The following KCNQ3 variants were observed in gnomAD, a reference collection of about 807,000 sequenced individuals.
KCNQ3 encodes potassium voltage-gated channel subfamily Q member 3.
KCNQ3 carries 30 observed loss-of-function variants against 92.5 expected under a neutral mutation model. The ratio of observed to expected loss-of-function variants is 0.32; its 90% CI spans 0.24 to 0.44. KCNQ3 has a LOEUF of 0.44. KCNQ3 is among the 20% of genes least tolerant of loss of function. The probability of loss-of-function intolerance (pLI) is 1.00; values close to 1 mark genes in which losing one functional copy is unlikely to be tolerated. For missense variants in KCNQ3, 913 were observed against 1,140.3 expected (o/e 0.80, Z 2.87); for synonymous variants, 450 against 468.8 (o/e 0.96, Z 0.52).
chr8:132,306,849 CA>C (rs1255062906), intron 1 of KCNQ3, among the ~76,000 whole-genome samples: 2 of 152,260 alleles, frequency 1.3e-5, no homozygotes, highest in African/African-American at 4.8e-5. Context: ...AGACTCTTGA[CA>C]GCATTTTTTT....
intron 1 of KCNQ3, among the ~76,000 whole-genome samples, chr8:132,465,616 C>T (rs754338316): frequency 1.8e-4 from 27 of 152,192 alleles, no homozygotes; most frequent in Admixed American, 3.3e-4. Context: ...TGGTGGCAGG[C>T]GCCTGTGGTC....
chr8:132,466,516 T>C (rs1266386021), intron 1 of KCNQ3, among the ~76,000 whole-genome samples: 1 of 152,172 alleles, frequency 6.6e-6, no homozygotes, highest in African/African-American at 2.4e-5. Flanking sequence ...CAAGGACCAT[T>C]CCTGGCTGTT....
At chr8:132,450,481 TC>T (rs1361983571) in intron 1 of KCNQ3, among the ~76,000 whole-genome samples, 1 of 152,138 alleles carries the variant, frequency 6.6e-6, no homozygotes, top group African/African-American at 2.4e-5. Context: ...ACCCAGGAAG[TC>T]CAGCTGGCTT....
chr8:132,409,391 C>T (rs1466431332), intron 1 of KCNQ3, among the ~76,000 whole-genome samples: 2 of 152,102 alleles, frequency 1.3e-5, no homozygotes, highest in Admixed American at 6.5e-5. Flanking sequence ...CCAAACCTTG[C>T]ACAACCCACT....
At chr8:132,384,600 T>C (rs1483663960) in intron 1 of KCNQ3, among the ~76,000 whole-genome samples, 2 of 152,192 alleles carry the variant, frequency 1.3e-5, no homozygotes, top group South Asian at 2.1e-4. Context: ...TGTCAGCTGG[T>C]CATTCATGTG....
chr8:132,413,595 T>C (rs925231700), intron 1 of KCNQ3, among the ~76,000 whole-genome samples: 9 of 152,208 alleles, frequency 5.9e-5, no homozygotes, highest in African/African-American at 2.2e-4. Flanking sequence ...AATGAAATGA[T>C]TGTGAAATGA....
At chr8:132,363,789 T>A (rs1222210932) in intron 1 of KCNQ3, among the ~76,000 whole-genome samples, 1 of 151,580 alleles carries the variant, frequency 6.6e-6, no homozygotes, top group Non-Finnish European at 1.5e-5. Flanking sequence ...CAGCTCCTGC[T>A]TCTTCTGCTT....
intron 1 of KCNQ3, 50 bp from the exon 2 acceptor site, chr8:132,186,231 C>T: frequency 1.5e-6 from 2 of 1,373,528 alleles, no homozygotes; most frequent in Non-Finnish European, 2.1e-6. Context: ...TCATGGCTTG[C>T]TTTGAGGCTA....
intron 1 of KCNQ3, among the ~76,000 whole-genome samples, chr8:132,440,180 A>G (rs1174982139): frequency 2.0e-5 from 3 of 151,910 alleles, no homozygotes; most frequent in African/African-American, 7.3e-5. Flanking sequence ...AATGTTTTCC[A>G]TTTGCCATTG....
Position 132,259,371 on chromosome 8 carries a change from CAT to C in KCNQ3, c.387-73192_387-73191del, listed in dbSNP as rs544835091. 8.7e-4 allele frequency among the ~76,000 whole-genome samples: 132 copies of C among 152,174 alleles called. 1 individual carries two copies. Among genetic ancestry groups the C allele is most frequent in the African/African-American group, 3.1e-3 (130 of 41,554 alleles). ...TGAAATCAATCAATGGAATACATCA[CAT>C]GTTAATAGAATAAGAAACATAAAAC... On this transcript the variant is annotated intron_variant, in intron 1 of 14. Coordinates refer to ENST00000388996, the MANE Select transcript of KCNQ3 (RefSeq NM_004519.4).
rs73710509 is a variant in KCNQ3 at position 132,282,498 on chromosome 8, C to T, written c.387-96317G>A. Among the ~76,000 whole-genome samples the T allele has an allele frequency of 8.1e-3, 1,240 of 152,290 alleles. 16 individuals carry two copies. Among genetic ancestry groups the T allele is most frequent in the African/African-American group, 0.029 (1,193 of 41,552 alleles). On this transcript the variant is annotated intron_variant, in intron 1 of 14. Transcript: ENST00000388996. ...CACTCTCCAGCATCTCCTAGGCTCC[C>T]TCTTTGTCTCTTCTTTCTTCCCACA...
intron 1 of KCNQ3, among the ~76,000 whole-genome samples, chr8:132,309,294 C>A (rs1817522965): frequency 6.6e-6 from 1 of 152,150 alleles, no homozygotes; most frequent in Non-Finnish European, 1.5e-5. Flanking sequence ...AGTTCTGTCC[C>A]TCTAGAGAAC....
chr8:132,389,939 C>T (rs1467303670), intron 1 of KCNQ3, among the ~76,000 whole-genome samples: 1 of 152,202 alleles, frequency 6.6e-6, no homozygotes, highest in Non-Finnish European at 1.5e-5. Flanking sequence ...TTTGCAAGCA[C>T]ACACGCATGT....
chr8:132,220,038 T>C (rs1814171954), intron 1 of KCNQ3, among the ~76,000 whole-genome samples: 1 of 152,182 alleles, frequency 6.6e-6, no homozygotes, highest in African/African-American at 2.4e-5. Flanking sequence ...CATCGCACCA[T>C]GCTTCTCATA....
intron 1 of KCNQ3, among the ~76,000 whole-genome samples, chr8:132,437,765 C>CT (rs1563912064): frequency 6.6e-6 from 1 of 152,184 alleles, no homozygotes. Flanking sequence ...TCACTGAAAA[C>CT]TCTGTCCCAG....
intron 1 of KCNQ3, among the ~76,000 whole-genome samples, chr8:132,424,932 T>C (rs1587007349): frequency 6.6e-6 from 1 of 152,208 alleles, no homozygotes; most frequent in Non-Finnish European, 1.5e-5. Context: ...CTTAATTATA[T>C]CCACAAGGAG....
intron 1 of KCNQ3, among the ~76,000 whole-genome samples, chr8:132,289,014 G>T (rs1483613619): frequency 1.3e-5 from 2 of 152,134 alleles, no homozygotes; most frequent in African/African-American, 4.8e-5. Context: ...AACTATGGTT[G>T]GTGTTCAAGA....
rs141603746 is a variant in KCNQ3 at position 132,356,998 on chromosome 8, C to T, written c.386+123149G>A. Among the ~76,000 whole-genome samples the T allele has an allele frequency of 5.1e-5, 7 of 138,134 alleles. No individual in the cohort carries two copies. The East Asian group carries it at 1.5e-3, about 29-fold the overall frequency. 90.6% of individuals were successfully genotyped at this position (138,134 alleles called of 152,430 possible). A position where few individuals can be genotyped will look rare whatever the true frequency, so the allele number is the denominator to read the frequency against. ...AGGAGAGACTATAGTAAATCTAAAA[C>T]TATTTTATTAACAACAACAACAACA... On this transcript the variant is annotated intron_variant, in intron 1 of 14. Transcript: ENST00000388996.
At chr8:132,327,371 T>C (rs1310981244) in intron 1 of KCNQ3, among the ~76,000 whole-genome samples, 1 of 152,222 alleles carries the variant, frequency 6.6e-6, no homozygotes, top group East Asian at 1.9e-4. Flanking sequence ...TCATTATCCC[T>C]ACTGTACAGA....
Sources: gnomAD v4.1 joint callset for allele counts (sites outside exome capture counted in the v4.1 genomes callset) on GRCh38, gnomAD v4.1.1 for gene constraint, MANE v1.5 for transcripts, NCBI Gene and HGNC (gene_info 2026-07-23, HGNC 2026-07-21) for gene names.